Variants in EYA4 observed in about 807,000 individuals in gnomAD.
EYA4 encodes protein phosphatase EYA4.
Under a neutral mutation model 87.9 loss-of-function variants are expected in EYA4, and 31 were observed. The observed-to-expected ratio is 0.35, with a 90% CI of 0.27 to 0.48. EYA4 has a LOEUF of 0.48. Ranked by LOEUF, EYA4 falls within the 20% of genes least tolerant of loss-of-function variation. The pLI, the probability that EYA4 is intolerant of heterozygous loss-of-function variation, is 0.99. For missense variants in EYA4, 678 were observed against 761.4 expected (o/e 0.89, Z 1.29); for synonymous variants, 263 against 270.6 (o/e 0.97, Z 0.28).
At chr6:133,452,931 T>C (rs78938461) in intron 5 of EYA4, 9,021 of 152,174 alleles carry the variant, frequency 0.059, 465 homozygotes, top group East Asian at 0.23. Context: ...ATTGTTTCTT[T>C]TGAAATCAAA....
chr6:133,370,357 G>A (rs1407522232), intron 2 of EYA4, among the ~76,000 whole-genome samples: 1 of 152,176 alleles, frequency 6.6e-6, no homozygotes, highest in African/African-American at 2.4e-5. Context: ...ACATTTAAGT[G>A]TAGGCAGTTC....
chr6:133,311,005 T>C (rs1013843613), intron 2 of EYA4, among the ~76,000 whole-genome samples: 20 of 152,210 alleles, frequency 1.3e-4, no homozygotes, highest in Non-Finnish European at 2.6e-4. Flanking sequence ...CCTATACCTA[T>C]ATTTGAAGTT....
intron 13 of EYA4, among the ~76,000 whole-genome samples, chr6:133,491,716 C>T (rs1352272376): frequency 6.6e-6 from 1 of 151,948 alleles, no homozygotes; most frequent in Non-Finnish European, 1.5e-5. Flanking sequence ...CTTTGGGAGG[C>T]CGAGGTGGGC....
At chr6:133,498,436 A>T (rs943128293) in intron 13 of EYA4, among the ~76,000 whole-genome samples, 2 of 152,240 alleles carry the variant, frequency 1.3e-5, no homozygotes, top group Non-Finnish European at 2.9e-5. Context: ...CTCACCACAG[A>T]ATAAACATTC....
chr6:133,265,858 C>T (rs1351986276), intron 1 of EYA4, among the ~76,000 whole-genome samples: 1 of 152,228 alleles, frequency 6.6e-6, no homozygotes, highest in Non-Finnish European at 1.5e-5. Flanking sequence ...TTCTCTTATG[C>T]TCCAATATCT....
chr6:133,405,135 G>T (rs1788595280), intron 3 of EYA4, among the ~76,000 whole-genome samples: 1 of 152,042 alleles, frequency 6.6e-6, no homozygotes, highest in African/African-American at 2.4e-5. Flanking sequence ...CCATGCCATG[G>T]CCTCAACACA....
chr6:133,397,563 C>T (rs1787907844), intron 3 of EYA4, among the ~76,000 whole-genome samples: 1 of 152,158 alleles, frequency 6.6e-6, no homozygotes, highest in African/African-American at 2.4e-5. Flanking sequence ...TTGATAACTG[C>T]TTCTTGATTT....
chr6:133,408,402 T>C (rs564829739), intron 3 of EYA4, among the ~76,000 whole-genome samples: 7 of 152,334 alleles, frequency 4.6e-5, no homozygotes, highest in Non-Finnish European at 1.0e-4. Context: ...GAATGATTTA[T>C]GTAGAGGTTA....
intron 2 of EYA4, among the ~76,000 whole-genome samples, chr6:133,310,589 C>T (rs1182708143): frequency 6.6e-6 from 1 of 152,120 alleles, no homozygotes; most frequent in Non-Finnish European, 1.5e-5. Context: ...TTTTTGAGGA[C>T]TTACGAACTT....
intron 2 of EYA4, among the ~76,000 whole-genome samples, chr6:133,286,580 T>A (rs1437754992): frequency 6.6e-6 from 1 of 152,142 alleles, no homozygotes; most frequent in Non-Finnish European, 1.5e-5. Flanking sequence ...TGAATTTTCC[T>A]CCGAGGTGCT....
chr6:133,332,652 C>T (rs1750575), intron 2 of EYA4, among the ~76,000 whole-genome samples: 1 of 151,954 alleles, frequency 6.6e-6, no homozygotes, highest in Non-Finnish European at 1.5e-5. Context: ...CAAGCTATTC[C>T]CCTGCCTCAG....
intron 3 of EYA4, among the ~76,000 whole-genome samples, chr6:133,421,668 G>A (rs1790233747): frequency 6.6e-6 from 1 of 152,184 alleles, no homozygotes; most frequent in South Asian, 2.1e-4. Context: ...TGAAACCATG[G>A]TTTTCTATTG....
chr6:133,354,247 T>C (rs1032811852), intron 2 of EYA4, among the ~76,000 whole-genome samples: 3 of 152,170 alleles, frequency 2.0e-5, no homozygotes, highest in African/African-American at 7.2e-5. Context: ...TGAGTAAGTC[T>C]TATATAACTA....
At chr6:133,357,442 T>C (rs1040794965) in intron 2 of EYA4, among the ~76,000 whole-genome samples, 1 of 152,194 alleles carries the variant, frequency 6.6e-6, no homozygotes, top group Non-Finnish European at 1.5e-5. Context: ...CAAAATGAAC[T>C]GTAGAGAGGT....
chr6:133,521,138 T>G (rs1300629740), intron 17 of EYA4, among the ~76,000 whole-genome samples: 2 of 150,980 alleles, frequency 1.3e-5, no homozygotes, highest in Non-Finnish European at 3.0e-5. Flanking sequence ...CTAAAGAGCT[T>G]CTGCACAGCA....
At chr6:133,381,327 T>G (rs1000023310) in intron 2 of EYA4, among the ~76,000 whole-genome samples, 1 of 152,040 alleles carries the variant, frequency 6.6e-6, no homozygotes, top group Non-Finnish European at 1.5e-5. Flanking sequence ...AATGTAGGGT[T>G]TTTGTGAGTT....
intron 16 of EYA4, among the ~76,000 whole-genome samples, chr6:133,513,821 C>CT (rs1183359794): frequency 1.3e-5 from 2 of 151,954 alleles, no homozygotes; most frequent in Admixed American, 6.6e-5. Context: ...ATGTGCTTCT[C>CT]TTTTTTTCTA....
chr6:133,271,895 T>C, intron 1 of EYA4, among the ~76,000 whole-genome samples: 1 of 152,246 alleles, frequency 6.6e-6, no homozygotes, highest in East Asian at 1.9e-4. Context: ...TCATATGGAA[T>C]ACAAATACCT....
intron 2 of EYA4, among the ~76,000 whole-genome samples, chr6:133,348,867 C>T (rs963062604): frequency 4.6e-5 from 7 of 152,148 alleles, no homozygotes; most frequent in African/African-American, 1.7e-4. Flanking sequence ...CCAAAGTAAG[C>T]CATTAAAAGA....
Sources: gnomAD v4.1 joint callset for allele counts (sites outside exome capture counted in the v4.1 genomes callset) on GRCh38, gnomAD v4.1.1 for gene constraint, MANE v1.5 for transcripts, NCBI Gene and HGNC (gene_info 2026-07-23, HGNC 2026-07-21) for gene names.